The following EPC1 variants were observed in gnomAD, a reference collection of about 807,000 sequenced individuals.
The protein encoded by EPC1 is enhancer of polycomb 1, also known as enhancer of polycomb homolog 1.
A neutral mutation model predicts 98.4 loss-of-function variants in EPC1; 12 were observed. That is an observed-to-expected ratio of 0.12 (90% CI 0.08 to 0.20). EPC1 has a LOEUF of 0.20. Ranked by LOEUF, EPC1 falls within the 10% of genes least tolerant of loss-of-function variation. EPC1 has a pLI of 1.00. For synonymous variants in EPC1, 357 were observed against 363.9 expected, an observed-to-expected ratio of 0.98 and a Z score of 0.21; for missense variants, 729 against 990.5, an observed-to-expected ratio of 0.74 and a Z score of 3.54.
upstream of EPC1, among the ~76,000 whole-genome samples, chr10:32,349,196 A>G (rs74128091): frequency 0.034 from 5,187 of 152,278 alleles, 281 homozygotes; most frequent in African/African-American, 0.12. Flanking sequence ...TAGAATTCAT[A>G]ATTGAGGAGC....
rs114065101 is a variant in EPC1, at chr10:32,344,866, T to C, written c.153+1897A>G. On this transcript the variant is annotated intron_variant, in intron 1 of 13. Coordinates refer to ENST00000319778, the MANE Select transcript of EPC1 (RefSeq NM_001272004.3). Reference sequence around the variant, plus strand: ...AAATTTAACAAGCACTGATACTTCATTGAGCTCAGCTCTGACTTCAGGTTG... The same window carrying C: ...AAATTTAACAAGCACTGATACTTCACTGAGCTCAGCTCTGACTTCAGGTTG... 6.8e-3 allele frequency among the ~76,000 whole-genome samples: 1,031 copies of C among 152,320 alleles called. 15 individuals carry two copies. The highest frequency in any genetic ancestry group is 0.022 in the African/African-American group (908 of 41,584).
intron 10 of EPC1, among the ~76,000 whole-genome samples, chr10:32,279,368 A>G (rs995962460): frequency 2.6e-5 from 4 of 151,924 alleles, no homozygotes; most frequent in Admixed American, 1.3e-4. Flanking sequence ...AAAAAAGAAA[A>G]AAAACTTATG....
chr10:32,351,422 C>T (rs1020484391), upstream of EPC1, among the ~76,000 whole-genome samples: 6 of 151,926 alleles, frequency 3.9e-5, no homozygotes, highest in Admixed American at 2.6e-4. Context: ...TTTGGGAGGC[C>T]GAGGAGAGTG....
chr10:32,293,928 A>C (rs1834992583), intron 2 of EPC1, among the ~76,000 whole-genome samples, 191 bp from the exon 3 acceptor site: 1 of 152,230 alleles, frequency 6.6e-6, no homozygotes, highest in Non-Finnish European at 1.5e-5. Context: ...AAAGGAGATT[A>C]TCTTTACTAT....
chr10:32,298,623 A>T (rs1164239452), intron 2 of EPC1, among the ~76,000 whole-genome samples: 2 of 152,220 alleles, frequency 1.3e-5, no homozygotes, highest in African/African-American at 4.8e-5. Flanking sequence ...TCTAAGATAA[A>T]GATATCGCTG....
intron 2 of EPC1, among the ~76,000 whole-genome samples, chr10:32,299,766 A>G (rs1173994450): frequency 2.0e-5 from 3 of 151,882 alleles, no homozygotes; most frequent in Admixed American, 6.6e-5. Flanking sequence ...ATGTTGCCCA[A>G]TTTTTTCTTC....
At chr10:32,300,965 A>C (rs1365883945) in intron 2 of EPC1, among the ~76,000 whole-genome samples, 1 of 152,126 alleles carries the variant, frequency 6.6e-6, no homozygotes, top group African/African-American at 2.4e-5. Context: ...TGGGGAATAA[A>C]TTAGAGAATA....
intron 1 of EPC1, among the ~76,000 whole-genome samples, chr10:32,374,141 A>C (rs955117146): frequency 6.6e-6 from 1 of 152,196 alleles, no homozygotes; most frequent in Non-Finnish European, 1.5e-5. Context: ...CCATTAGCTA[A>C]GTGTTGAATT....
intron 10 of EPC1, among the ~76,000 whole-genome samples, chr10:32,274,403 A>G (rs1423996504): frequency 1.3e-5 from 2 of 152,176 alleles, no homozygotes; most frequent in African/African-American, 2.4e-5. Context: ...TATATAACTC[A>G]TGAAGAATCT....
chr10:32,309,417 C>T (rs116193897), intron 1 of EPC1, among the ~76,000 whole-genome samples: 90 of 151,794 alleles, frequency 5.9e-4, no homozygotes, highest in African/African-American at 2.0e-3. Flanking sequence ...CTATTATGTA[C>T]CCATAATAAT....
At chr10:32,342,219 G>A (rs2133038547) in intron 1 of EPC1, among the ~76,000 whole-genome samples, 1 of 152,280 alleles carries the variant, frequency 6.6e-6, no homozygotes, top group East Asian at 1.9e-4. Context: ...TCACTTCCAA[G>A]AGAGTGGATA....
chr10:32,270,997 G>A (rs1010713139), intron 13 of EPC1, among the ~76,000 whole-genome samples: 4 of 50,698 alleles, frequency 7.9e-5, no homozygotes, highest in Admixed American at 4.3e-4. Context: ...AGCATTATAC[G>A]CTTTTTTTTT....
At chr10:32,377,053 A>T (rs956296718) in intron 1 of EPC1, 1 of 151,938 alleles carries the variant, frequency 6.6e-6, no homozygotes, top group Middle Eastern at 3.4e-3. Flanking sequence ...TAATCAGATA[A>T]CTCAATAAGA....
At chr10:32,300,776 T>C (rs2132786171) in intron 2 of EPC1, among the ~76,000 whole-genome samples, 1 of 152,220 alleles carries the variant, frequency 6.6e-6, no homozygotes, top group African/African-American at 2.4e-5. Flanking sequence ...GTACTTTTAT[T>C]GTTGTGCGAA....
At chr10:32,339,083 A>C (rs1838165982) in intron 1 of EPC1, among the ~76,000 whole-genome samples, 2 of 152,250 alleles carry the variant, frequency 1.3e-5, no homozygotes, top group South Asian at 4.1e-4. Flanking sequence ...GGCTTTTAGA[A>C]CTTGACCCTT....
At chr10:32,378,585 A>G in exon 1 of EPC1, 1 of 855,442 alleles carries the variant, frequency 1.2e-6, no homozygotes, top group Non-Finnish European at 1.8e-6. Context: ...GCCTCCAGGC[A>G]GCATATGGAT....
intron 1 of EPC1, among the ~76,000 whole-genome samples, chr10:32,367,267 T>C (rs566482397): frequency 6.6e-6 from 1 of 152,248 alleles, no homozygotes; most frequent in South Asian, 2.1e-4. Flanking sequence ...CTGGGATTAC[T>C]GGCATAAGCC....
At chr10:32,341,258 T>C (rs1030576285) in intron 1 of EPC1, among the ~76,000 whole-genome samples, 9 of 152,198 alleles carry the variant, frequency 5.9e-5, no homozygotes, top group African/African-American at 2.2e-4. Context: ...AAATCACATC[T>C]TTACATACAT....
intron 1 of EPC1, among the ~76,000 whole-genome samples, chr10:32,363,301 G>A (rs115047580): frequency 2.5e-3 from 377 of 152,206 alleles, no homozygotes; most frequent in African/African-American, 8.6e-3. Context: ...GGCTGGTCTC[G>A]AACTCCCGTG....
Sources: gnomAD v4.1 joint callset for allele counts (sites outside exome capture counted in the v4.1 genomes callset) on GRCh38, gnomAD v4.1.1 for gene constraint, MANE v1.5 for transcripts, NCBI Gene and HGNC (gene_info 2026-07-23, HGNC 2026-07-21) for gene names.